PSD3: variants seen among roughly 807,000 people sequenced by gnomAD.
PSD3 encodes the protein PH and SEC7 domain-containing protein 3.
A neutral mutation model predicts 105.5 loss-of-function variants in PSD3; 49 were observed. The observed-to-expected ratio is 0.46, with a 90% CI of 0.37 to 0.59. PSD3 has a LOEUF of 0.59. PSD3 is among the 20% of genes least tolerant of loss of function. PSD3 has a pLI of 0.00. For synonymous variants in PSD3, 557 were observed against 457.8 expected (o/e 1.22, Z -2.77); for missense variants, 1,561 against 1,263.8 (o/e 1.24, Z -3.57).
intron 9 of PSD3, among the ~76,000 whole-genome samples, chr8:18,701,788 C>T (rs987000530): frequency 6.6e-6 from 1 of 152,188 alleles, no homozygotes; most frequent in Non-Finnish European, 1.5e-5. Flanking sequence ...AGCTTTACAA[C>T]TGCATAGCCA....
intron 4 of PSD3, among the ~76,000 whole-genome samples, chr8:18,805,153 G>A (rs930253372): frequency 3.3e-5 from 5 of 152,018 alleles, no homozygotes; most frequent in East Asian, 1.9e-4. Context: ...GACTCCATAC[G>A]GCTTTCACTT....
chr8:18,608,950 GT>G (rs1805057060), intron 11 of PSD3, among the ~76,000 whole-genome samples: 1 of 152,060 alleles, frequency 6.6e-6, no homozygotes, highest in Admixed American at 6.6e-5. Context: ...ATCTTGTCCT[GT>G]TTTTTGACCA....
chr8:18,717,038 G>T (rs1346866038), intron 9 of PSD3, among the ~76,000 whole-genome samples: 3 of 152,248 alleles, frequency 2.0e-5, no homozygotes, highest in African/African-American at 7.2e-5. Context: ...CAGACCTCTG[G>T]ACTTAAAATC....
In PSD3 at chr8:19,061,616, A is replaced by G. The variant is rs114242311; in HGVS notation, c.324+22590T>C. ...AGGTCAGGAGTTCAAGACCACTCTGACCAATGTGGTGAAACCCTGTCTCTC... is the reference window on the plus strand; with the variant it reads ...AGGTCAGGAGTTCAAGACCACTCTGGCCAATGTGGTGAAACCCTGTCTCTC... On this transcript the variant is annotated intron_variant, in intron 1 of 1. Transcript: ENST00000521475. Among the ~76,000 whole-genome samples, 934 of 152,130 alleles carry G rather than the reference A, an allele frequency of 6.1e-3. 12 individuals carry two copies. The highest frequency in any genetic ancestry group is 0.021 in the African/African-American group (886 of 41,534).
At position 18,686,951 on chromosome 8, in the gene PSD3, C is replaced by T. The variant is rs906183618; in HGVS notation, c.2173-31266G>A. Among the ~76,000 whole-genome samples the T allele has an allele frequency of 4.6e-5, 7 of 152,136 alleles. No homozygotes were observed. The East Asian group carries it at 7.7e-4, about 17-fold the overall frequency. On this transcript the variant is annotated intron_variant, in intron 9 of 15. Transcript: ENST00000327040. The stretch of plus-strand genomic sequence containing the variant: ...CCTTCTGTGACCATCCTTCCTTAAA[C>T]AGCAGCCCAGCTCCACCCTAGTCAT...
In PSD3 at chr8:19,074,607, ATATATTTTTTTTT is replaced by A. The variant is rs1563546596; in HGVS notation, c.324+9586_324+9598del. Among the ~76,000 whole-genome samples the A allele has an allele frequency of 0.011, 131 of 11,676 alleles. 1 individual carries two copies. The South Asian group carries it at 0.14, about 13-fold the overall frequency. 7.7% of individuals were successfully genotyped at this position (11,676 alleles called of 152,430 possible). On this transcript the variant is annotated intron_variant, in intron 1 of 1. Coordinates refer to the PSD3 transcript ENST00000521475. ...CAGATATATACATATATATATATAT[ATATATTTTTTTTT>A]TTTTTTTTTTTTTTTTTTGAGATGG...
intron 8 of PSD3, among the ~76,000 whole-genome samples, chr8:18,778,571 T>C (rs558947093): frequency 6.6e-6 from 1 of 152,246 alleles, no homozygotes; most frequent in East Asian, 1.9e-4. Flanking sequence ...TGCCTCAGTA[T>C]GTAGTTAGCT....
At chr8:18,752,651 A>ATATATAATATATATAATAT in intron 9 of PSD3, among the ~76,000 whole-genome samples, 1 of 95,712 alleles carries the variant, frequency 1.0e-5, no homozygotes, top group Non-Finnish European at 2.0e-5. Flanking sequence ...TAATATATAT[A>ATATATAATATATATAATAT]ATATATTATA....
At chr8:19,077,345 C>G (rs1829491470) in intron 1 of PSD3, among the ~76,000 whole-genome samples, 1 of 152,116 alleles carries the variant, frequency 6.6e-6, no homozygotes, top group South Asian at 2.1e-4. Context: ...ATCACACATC[C>G]TGAAAATTTA....
rs983271771 is a variant in PSD3 at position 18,969,409 on chromosome 8, C to T, written c.22-33267G>A. 3.9e-5 allele frequency among the ~76,000 whole-genome samples: 6 copies of T among 152,172 alleles called. No homozygotes were observed. The South Asian group carries it at 1.0e-3, about 26-fold the overall frequency. ...TCACGTTCAATTGCATAGAAATCAA[C>T]GGTACACCATAAATTTGTGTTAATA... On this transcript the variant is annotated intron_variant, in intron 1 of 15. Transcript: ENST00000327040.
intron 1 of PSD3, among the ~76,000 whole-genome samples, chr8:19,030,899 T>A (rs1462678039): frequency 3.3e-5 from 5 of 152,186 alleles, no homozygotes; most frequent in African/African-American, 1.2e-4. Context: ...AAGTCCCTCT[T>A]CTTCAACTCA....
chr8:18,575,104 CA>C, intron 13 of PSD3, 23 bp downstream of exon 13: 1 of 1,603,904 alleles, frequency 6.2e-7, no homozygotes, highest in Non-Finnish European at 8.5e-7. Flanking sequence ...AACACAAAAT[CA>C]AATAAAAACC....
intron 1 of PSD3, among the ~76,000 whole-genome samples, chr8:19,025,553 C>G (rs1229224936): frequency 2.0e-5 from 3 of 152,292 alleles, no homozygotes; most frequent in Non-Finnish European, 4.4e-5. Flanking sequence ...AGCCTGGGCA[C>G]TGGCCAGGGT....
Position 18,655,632 on chromosome 8 carries a change from G to T in PSD3, c.2216+10C>A, listed in dbSNP as rs771129582. 6.2e-7 allele frequency: 1 copy of T among 1,613,134 alleles called. No homozygotes were observed. The highest frequency in any genetic ancestry group is 8.5e-7 in the Non-Finnish European group (1 of 1,179,164). On this transcript the variant is annotated intron_variant, in intron 10 of 15. Coordinates refer to ENST00000327040, the MANE Select transcript of PSD3 (RefSeq NM_015310.4). ...TTCATTATTAAAAGGCTGACGTCCA[G>T]CACACTTACACTGCCCATTCAAGCT...
At chr8:18,776,598 G>C (rs533350636) in intron 8 of PSD3, among the ~76,000 whole-genome samples, 11 of 151,910 alleles carry the variant, frequency 7.2e-5, no homozygotes, top group African/African-American at 9.7e-5. Flanking sequence ...GGCTGGTCTC[G>C]AACTTCTGAC....
At chr8:18,635,985 C>G (rs1238916771) in intron 10 of PSD3, among the ~76,000 whole-genome samples, 3 of 152,076 alleles carry the variant, frequency 2.0e-5, no homozygotes, top group Non-Finnish European at 4.4e-5. Flanking sequence ...GTGCAGCAAA[C>G]CACTGTGGCA....
intron 1 of PSD3, among the ~76,000 whole-genome samples, chr8:19,060,576 G>T (rs1260450671): frequency 6.6e-6 from 1 of 152,190 alleles, no homozygotes; most frequent in Non-Finnish European, 1.5e-5. Flanking sequence ...CAAGGCTACA[G>T]TGAGCCATGA....
At chr8:18,965,907 G>C (rs565896167) in intron 1 of PSD3, among the ~76,000 whole-genome samples, 1 of 152,196 alleles carries the variant, frequency 6.6e-6, no homozygotes, top group Admixed American at 6.5e-5. Context: ...TATAACACCC[G>C]GGGTTTGGGC....
chr8:18,890,143 C>G (rs1405958039), intron 2 of PSD3, among the ~76,000 whole-genome samples: 1 of 151,886 alleles, frequency 6.6e-6, no homozygotes, highest in Non-Finnish European at 1.5e-5. Context: ...AGCACGGGAT[C>G]CACGTAGGAG....
Sources: allele counts gnomAD v4.1 joint callset (sites outside exome capture counted in the v4.1 genomes callset), GRCh38; gene constraint gnomAD v4.1.1; transcripts MANE v1.5; gene names NCBI Gene and HGNC (gene_info 2026-07-23, HGNC 2026-07-21).